Variants in EPHA3 observed in about 807,000 individuals in gnomAD.
EPHA3 encodes ephrin type-A receptor 3.
Under a neutral mutation model 107.1 loss-of-function variants are expected in EPHA3, and 42 were observed. The ratio of observed to expected loss-of-function variants is 0.39; its 90% CI spans 0.31 to 0.51. The LOEUF (loss-of-function observed/expected upper bound fraction) is 0.51, where lower values mean the gene tolerates loss of function less well. Ranked by LOEUF, EPHA3 falls within the 20% of genes least tolerant of loss-of-function variation. The probability of loss-of-function intolerance (pLI) is 0.78; values close to 1 mark genes in which losing one functional copy is unlikely to be tolerated. For synonymous variants in EPHA3, 461 were observed against 424.8 expected (o/e 1.09, Z -1.05); for missense variants, 1,183 against 1,211.2 (o/e 0.98, Z 0.35).
chr3:89,368,652 C>T (rs971212854), intron 5 of EPHA3, among the ~76,000 whole-genome samples: 2 of 150,182 alleles, frequency 1.3e-5, no homozygotes, highest in Non-Finnish European at 3.0e-5. Context: ...GATTTCCCAG[C>T]TCATGAAGAG....
At chr3:89,364,625 T>C (rs1428040264) in intron 5 of EPHA3, among the ~76,000 whole-genome samples, 2 of 151,212 alleles carry the variant, frequency 1.3e-5, no homozygotes, top group African/African-American at 2.4e-5. Flanking sequence ...ACCAGATATA[T>C]TTATACTAAT....
At chr3:89,218,930 C>T (rs1193276842) in intron 3 of EPHA3, among the ~76,000 whole-genome samples, 1 of 152,082 alleles carries the variant, frequency 6.6e-6, no homozygotes, top group African/African-American at 2.4e-5. Context: ...GGCGATTCCT[C>T]AGGGATCTAG....
At chr3:89,450,487 A>G in intron 15 of EPHA3, 117 bp downstream of exon 15, 1 of 893,972 alleles carries the variant, frequency 1.1e-6, no homozygotes, top group Non-Finnish European at 1.7e-6. Context: ...GTATTCCACC[A>G]TATTAGAGAG....
At chr3:89,221,088 C>T (rs1376887844) in intron 3 of EPHA3, among the ~76,000 whole-genome samples, 1 of 152,182 alleles carries the variant, frequency 6.6e-6, no homozygotes, top group East Asian at 1.9e-4. Flanking sequence ...GAACAGATCG[C>T]TTGTGTGGGA....
intron 14 of EPHA3, 96 bp downstream of exon 14, chr3:89,449,470 T>C (rs1709944713): frequency 2.0e-6 from 2 of 1,024,868 alleles, no homozygotes; most frequent in East Asian, 2.7e-5. Flanking sequence ...TCCTGGTTTA[T>C]AACACTGAAA....
At chr3:89,316,298 A>G (rs1706897705) in intron 3 of EPHA3, among the ~76,000 whole-genome samples, 1 of 151,260 alleles carries the variant, frequency 6.6e-6, no homozygotes, top group Non-Finnish European at 1.5e-5. Context: ...CTTTATCACC[A>G]TGAAAGATGC....
chr3:89,347,338 C>T (rs1707690965), intron 5 of EPHA3, among the ~76,000 whole-genome samples: 1 of 147,254 alleles, frequency 6.8e-6, no homozygotes, highest in Non-Finnish European at 1.5e-5. Flanking sequence ...CTTCACATCC[C>T]TTGTAAGTTG....
chr3:89,151,193 G>A (rs1333189010), intron 2 of EPHA3, among the ~76,000 whole-genome samples: 6 of 152,070 alleles, frequency 3.9e-5, no homozygotes, highest in Admixed American at 3.9e-4. Flanking sequence ...CGAAAGCCAT[G>A]TGTGTCTAAT....
In EPHA3 at chr3:89,450,281, C is replaced by T. The variant is rs2107555206; in HGVS notation, c.2601C>T (p.Asn867=). 1 of 1,614,048 alleles carries T rather than the reference C, an allele frequency of 6.2e-7. No homozygotes were observed. ...ACTGCTGGCAGAAAGACAGGAACAACAGACCCAAGTTTGAGCAGATTGTTA... is the reference window on the plus strand; with the variant it reads ...ACTGCTGGCAGAAAGACAGGAACAATAGACCCAAGTTTGAGCAGATTGTTA... ...MLDCWQKDRN[N]RPKFEQIVSI... is the part of the protein sequence containing the mutation. The change falls in exon 15 of 17, where the codon AAC becomes AAT. Residue 867 remains asparagine (N), a synonymous_variant. Transcript: ENST00000336596.
chr3:89,279,257 G>A (rs1303611627), intron 3 of EPHA3, among the ~76,000 whole-genome samples: 3 of 151,982 alleles, frequency 2.0e-5, no homozygotes, highest in African/African-American at 2.4e-5. Flanking sequence ...GTTCTCTTAA[G>A]TAATGAGTTT....
At chr3:89,292,298 AC>A (rs1706225386) in intron 3 of EPHA3, among the ~76,000 whole-genome samples, 1 of 152,198 alleles carries the variant, frequency 6.6e-6, no homozygotes. Flanking sequence ...CAGTATAACT[AC>A]TATTTCCATA....
chr3:89,308,328 C>T (rs984006545), intron 3 of EPHA3, among the ~76,000 whole-genome samples: 1 of 151,998 alleles, frequency 6.6e-6, no homozygotes, highest in African/African-American at 2.4e-5. Context: ...TGTAAAATAA[C>T]ACAAAGATAA....
In EPHA3 at chr3:89,341,000, G is replaced by C. The variant is rs1416437726; in HGVS notation, c.899G>C (p.Gly300Ala). Residue 300 changes from glycine (G) to alanine (A), a missense_variant, in exon 4 of 17, where the codon GGT becomes GCT. By Grantham distance (60) the Gly-to-Ala change is moderately conservative. Coordinates refer to ENST00000336596, the MANE Select transcript of EPHA3 (RefSeq NM_005233.6). The part of the protein sequence containing the change: ...CPPHSSTQED[G>A]SMNCRCENNY... ...CCTCACAGTTCTACTCAGGAAGATG[G>C]TTCAATGAACTGCAGGTGTGAGAAT... 6.2e-7 allele frequency: 1 copy of C among 1,614,144 alleles called. No individual in the cohort carries two copies.
At position 89,433,465 on chromosome 3, in the gene EPHA3, A is replaced by C. The variant is rs543431550; in HGVS notation, c.2346+2106A>C. Among the ~76,000 whole-genome samples the C allele has an allele frequency of 4.6e-5, 7 of 152,310 alleles. No individual in the cohort carries two copies. The East Asian group carries it at 1.4e-3, about 29-fold the overall frequency. ...AATAGAACCACTGAATAATAATGAC[A>C]CAATGCTGTTGGGATATTTCTAGAT... On this transcript the variant is annotated intron_variant, in intron 13 of 16. Coordinates refer to ENST00000336596, the MANE Select transcript of EPHA3 (RefSeq NM_005233.6).
At chr3:89,162,414 A>G (rs116391491) in intron 2 of EPHA3, among the ~76,000 whole-genome samples, 2,102 of 152,318 alleles carry the variant, frequency 0.014, 55 homozygotes, top group African/African-American at 0.049. Flanking sequence ...AGCAAATGCA[A>G]TGACCTAGCA....
chr3:89,220,403 T>C (rs1704344637), intron 3 of EPHA3, among the ~76,000 whole-genome samples: 1 of 152,060 alleles, frequency 6.6e-6, no homozygotes, highest in Admixed American at 6.6e-5. Flanking sequence ...AAAACTAAGA[T>C]GGATTTTTTT....
At chr3:89,133,321 G>A (rs1258604323) in intron 2 of EPHA3, among the ~76,000 whole-genome samples, 3 of 152,136 alleles carry the variant, frequency 2.0e-5, no homozygotes, top group African/African-American at 4.8e-5. Flanking sequence ...ATACAATCTT[G>A]CTGCAAAAGG....
intron 3 of EPHA3, among the ~76,000 whole-genome samples, chr3:89,223,270 T>C (rs910143987): frequency 2.0e-5 from 3 of 152,152 alleles, no homozygotes; most frequent in Non-Finnish European, 2.9e-5. Flanking sequence ...AGTGCTTCAG[T>C]GCGGAACTAT....
intron 2 of EPHA3, among the ~76,000 whole-genome samples, chr3:89,167,754 A>G (rs1228316157): frequency 2.6e-5 from 4 of 152,124 alleles, no homozygotes; most frequent in Admixed American, 2.0e-4. Flanking sequence ...ACATTGCTAA[A>G]ACCTGTTATT....
Sources: gnomAD v4.1 joint callset for allele counts (sites outside exome capture counted in the v4.1 genomes callset) on GRCh38, gnomAD v4.1.1 for gene constraint, MANE v1.5 for transcripts, NCBI Gene and HGNC (gene_info 2026-07-23, HGNC 2026-07-21) for gene names.